Variants in NFIB observed in about 807,000 individuals in gnomAD.
The protein encoded by NFIB is nuclear factor 1 B-type.
In NFIB, 11 loss-of-function variants were observed where a neutral mutation model predicts 61.5. The ratio of observed to expected loss-of-function variants is 0.18; its 90% CI spans 0.11 to 0.30. The LOEUF is 0.30. NFIB is among the 10% of genes least tolerant of loss of function. The probability of loss-of-function intolerance (pLI) is 1.00; values close to 1 mark genes in which losing one functional copy is unlikely to be tolerated. For missense variants in NFIB, 471 were observed against 608.9 expected, an observed-to-expected ratio of 0.77 and a Z score of 2.38; for synonymous variants, 260 against 216.5, an observed-to-expected ratio of 1.20 and a Z score of -1.76.
At chr9:14,099,369 T>C (rs907379041) in intron 10 of NFIB, among the ~76,000 whole-genome samples, 10 of 152,348 alleles carry the variant, frequency 6.6e-5, no homozygotes, top group Non-Finnish European at 1.5e-4. Flanking sequence ...GCCATAGCCA[T>C]GCCCTGAAGA....
intron 2 of NFIB, among the ~76,000 whole-genome samples, chr9:14,266,922 A>G (rs1466429561): frequency 6.6e-6 from 1 of 152,212 alleles, no homozygotes; most frequent in East Asian, 1.9e-4. Flanking sequence ...CCACTAATAT[A>G]AAACAAAATG....
chr9:14,162,297 T>C (rs532569084), intron 3 of NFIB, among the ~76,000 whole-genome samples: 31 of 152,238 alleles, frequency 2.0e-4, no homozygotes, highest in Non-Finnish European at 3.4e-4. Context: ...CCTAGTTTTC[T>C]CAGATTTTTA....
At chr9:14,283,500 T>G (rs1389351278) in intron 2 of NFIB, among the ~76,000 whole-genome samples, 2 of 152,218 alleles carry the variant, frequency 1.3e-5, no homozygotes, top group Non-Finnish European at 2.9e-5. Flanking sequence ...GTCTAGCATC[T>G]TGACTGAAAG....
In NFIB at chr9:14,082,864, G is replaced by C. The variant is rs902941441; in HGVS notation, c.*5445C>G. On this transcript the variant is annotated 3_prime_UTR_variant, in exon 11 of 11. Transcript: ENST00000380953. The stretch of plus-strand genomic sequence containing the variant: ...GTAGCACAGTTTTCAAAACCATTCT[G>C]TCAAAAATACAGTAATACAAGACTG... The C allele has an allele frequency of 4.9e-6, 1 of 204,726 alleles. No homozygotes were observed. Among genetic ancestry groups the C allele is most frequent in the South Asian group, 1.9e-4 (1 of 5,220 alleles). The allele number at this position is 204,726 out of a possible 1,614,324, so 12.7% of individuals were successfully genotyped here. A position where few individuals can be genotyped will look rare whatever the true frequency, so the allele number is the denominator to read the frequency against.
chr9:14,091,910 G>C (rs1379185639), intron 10 of NFIB, among the ~76,000 whole-genome samples: 1 of 151,980 alleles, frequency 6.6e-6, no homozygotes, highest in Non-Finnish European at 1.5e-5. Context: ...ATTATAAAAT[G>C]AATACATAAG....
chr9:14,290,929 C>A lies in NFIB; in HGVS notation c.562+16060G>T, dbSNP rs562271030. The stretch of plus-strand genomic sequence containing the variant: ...TAACATTTCTATTGATTGTGGTTTC[C>A]TGTACTTGCATTGTACCCATCTTTT... On this transcript the variant is annotated intron_variant, in intron 2 of 10. Coordinates refer to ENST00000380953, the MANE Select transcript of NFIB (RefSeq NM_001190737.2). Among the ~76,000 whole-genome samples, 11 of 152,136 alleles carry A rather than the reference C, an allele frequency of 7.2e-5. No individual in the cohort carries two copies. In the East Asian group the frequency reaches 1.2e-3, roughly 16 times the overall value.
In NFIB at chr9:14,120,393, G is replaced by C; in HGVS notation, c.1245+47C>G. 1.9e-6 allele frequency: 3 copies of C among 1,579,188 alleles called. No homozygotes were observed. Among genetic ancestry groups the C allele is most frequent in the South Asian group, 1.1e-5 (1 of 90,208 alleles). On this transcript the variant is annotated intron_variant, in intron 8 of 10. Transcript: ENST00000380953. This position sits in a 1 kb window ranked among gnomAD's most constrained non-coding sequence, Gnocchi z 4.4. The stretch of plus-strand genomic sequence containing the variant: ...ACCTTTGTGTCTCAGAATTAGATCT[G>C]TCCCATCTCCCTTAGGTGCTAATCT...
chr9:14,469,913 A>G, the NFIB span, among the ~76,000 whole-genome samples: 3 of 152,280 alleles, frequency 2.0e-5, no homozygotes, highest in South Asian at 6.2e-4. Flanking sequence ...TTTCAAGTCC[A>G]ATTTTCCCCA....
exon 1 of NFIB, chr9:14,398,876 G>A (rs718832): frequency 0.3 from 116,373 of 393,838 alleles, 18,518 homozygotes; most frequent in African/African-American, 0.47. Flanking sequence ...TCCACTAACA[G>A]TCTTGCTCCG....
At position 14,085,705 on chromosome 9, in the gene NFIB, A is replaced by C. The variant is rs2032764712; in HGVS notation, c.*2604T>G. 3 of 219,420 alleles carry C rather than the reference A, an allele frequency of 1.4e-5. No homozygotes were observed. Among genetic ancestry groups the C allele is most frequent in the African/African-American group, 4.5e-5 (2 of 44,614 alleles). The allele number at this position is 219,420 out of a possible 1,614,324, so 13.6% of individuals were successfully genotyped here. ...TTCAATCTTCTGGATATTAAAAAAA[A>C]ATCCAAGTGCACTGCCATCCATTTG... On this transcript the variant is annotated 3_prime_UTR_variant, in exon 11 of 11. Coordinates refer to ENST00000380953, the MANE Select transcript of NFIB (RefSeq NM_001190737.2).
At chr9:14,235,480 T>C (rs2053648240) in intron 2 of NFIB, among the ~76,000 whole-genome samples, 1 of 152,232 alleles carries the variant, frequency 6.6e-6, no homozygotes, top group African/African-American at 2.4e-5. Flanking sequence ...TGACATATAC[T>C]ATCTCACCCT....
chr9:14,180,314 C>T (rs899533871), intron 2 of NFIB, among the ~76,000 whole-genome samples: 1 of 152,178 alleles, frequency 6.6e-6, no homozygotes, highest in African/African-American at 2.4e-5. Flanking sequence ...TTATCTACAT[C>T]CCATAATAGC....
At chr9:14,299,787 T>C in intron 2 of NFIB, among the ~76,000 whole-genome samples, 1 of 152,232 alleles carries the variant, frequency 6.6e-6, no homozygotes, top group East Asian at 1.9e-4. Flanking sequence ...TGTATCTAAG[T>C]GTTTTACTAT....
At chr9:14,163,255 AAAAAT>A (rs2044402646) in intron 3 of NFIB, among the ~76,000 whole-genome samples, 1 of 152,062 alleles carries the variant, frequency 6.6e-6, no homozygotes, top group African/African-American at 2.4e-5. Context: ...AATAGGATGT[AAAAAT>A]ATATAATAAT....
At chr9:14,210,552 TCACA>T (rs1427388696) in intron 2 of NFIB, among the ~76,000 whole-genome samples, 3 of 151,814 alleles carry the variant, frequency 2.0e-5, no homozygotes, top group African/African-American at 7.3e-5. Flanking sequence ...ATGTGCACAC[TCACA>T]CAAACACACA....
chr9:14,248,992 A>G (rs1224935215), intron 2 of NFIB, among the ~76,000 whole-genome samples: 3 of 152,228 alleles, frequency 2.0e-5, no homozygotes, highest in Non-Finnish European at 2.9e-5. Flanking sequence ...GGACTTTTAA[A>G]TTACATCAGA....
At chr9:14,491,362 T>A in the NFIB span, among the ~76,000 whole-genome samples, 2 of 152,054 alleles carry the variant, frequency 1.3e-5, no homozygotes, top group African/African-American at 2.4e-5. Flanking sequence ...AAACTGAGGA[T>A]AAATAGGATG....
the NFIB span, among the ~76,000 whole-genome samples, chr9:14,483,802 A>G: frequency 6.6e-6 from 1 of 152,214 alleles, no homozygotes; most frequent in Admixed American, 6.5e-5. Context: ...TTTGCTGAAG[A>G]ATATTATTTG....
At chr9:14,092,739 TCTC>T (rs1215544938) in intron 10 of NFIB, among the ~76,000 whole-genome samples, 1 of 152,042 alleles carries the variant, frequency 6.6e-6, no homozygotes, top group African/African-American at 2.4e-5. Context: ...TATGTATTCA[TCTC>T]CTCTGAAACA....
Sources: allele counts gnomAD v4.1 joint callset (sites outside exome capture counted in the v4.1 genomes callset), GRCh38; gene constraint gnomAD v4.1.1; non-coding constraint Gnocchi (gnomAD v3.1); transcripts MANE v1.5; gene names NCBI Gene and HGNC (gene_info 2026-07-23, HGNC 2026-07-21).